Variants in SLC22A16 observed in about 807,000 individuals in gnomAD.
SLC22A16 encodes WUGSC:RG331P03.1.
Under a neutral mutation model 52.9 loss-of-function variants are expected in SLC22A16, and 53 were observed. The ratio of observed to expected loss-of-function variants is 1.00; its 90% CI spans 0.80 to 1.26. The LOEUF (loss-of-function observed/expected upper bound fraction) is 1.26. SLC22A16 is among the 50% of genes most tolerant of loss of function. The pLI is 0.00. For missense variants in SLC22A16, 726 were observed against 704.0 expected, an observed-to-expected ratio of 1.03 and a Z score of -0.35; for synonymous variants, 291 against 268.8, an observed-to-expected ratio of 1.08 and a Z score of -0.81.
At chr6:110,456,454 A>G in intron 2 of SLC22A16, 84 bp downstream of exon 2, 1 of 1,497,350 alleles carries the variant, frequency 6.7e-7, no homozygotes, top group Non-Finnish European at 9.0e-7. Flanking sequence ...GACAAGTTTT[A>G]AACATAATTC....
chr6:110,439,752 A>C (rs1774890606), intron 4 of SLC22A16, among the ~76,000 whole-genome samples: 1 of 152,210 alleles, frequency 6.6e-6, no homozygotes, highest in Non-Finnish European at 1.5e-5. Flanking sequence ...AGAGGTTTCT[A>C]ATATTTCTCT....
At chr6:110,425,387 G>C in intron 7 of SLC22A16, 1 of 1,339,592 alleles carries the variant, frequency 7.5e-7, no homozygotes, top group Non-Finnish European at 9.9e-7. Context: ...TAGGAGCTGT[G>C]GTCAGAAAGA....
At chr6:110,465,690 A>G (rs1327667395) in intron 1 of SLC22A16, among the ~76,000 whole-genome samples, 1 of 152,248 alleles carries the variant, frequency 6.6e-6, no homozygotes, top group Non-Finnish European at 1.5e-5. Flanking sequence ...AGAAGAATCA[A>G]TACCATTTAA....
intron 5 of SLC22A16, among the ~76,000 whole-genome samples, chr6:110,437,548 G>C (rs905482571): frequency 2.6e-5 from 4 of 152,176 alleles, no homozygotes; most frequent in African/African-American, 9.7e-5. Context: ...ATTAAGTAAA[G>C]TGCTACTATA....
intron 6 of SLC22A16, 135 bp from the exon 7 acceptor site, chr6:110,431,405 A>G: frequency 1.5e-6 from 1 of 676,826 alleles, no homozygotes; most frequent in Non-Finnish European, 2.5e-6. Context: ...ACAACGTTTC[A>G]GTCAACCTCG....
In SLC22A16 at chr6:110,424,959, A is replaced by T; in HGVS notation, c.1648T>A (p.Ser550Thr). ...AKLESENESK[S>T]SKLLLTTNNS... is the part of the protein sequence containing the mutation. ...TTAGTTGTGAGAAGTAATTTGCTTG[A>T]CTTGCTTTCATTCTCTGACTCCAGT... The change falls in exon 8 of 8, where the codon TCA becomes ACA. Residue 550 changes from serine to threonine, a missense_variant. By Grantham distance (58) the Ser-to-Thr change is moderately conservative. Transcript: ENST00000368919. The T allele has an allele frequency of 1.2e-6, 2 of 1,614,004 alleles. No individual in the cohort carries two copies. The highest frequency in any genetic ancestry group is 1.7e-6 in the Non-Finnish European group (2 of 1,180,000).
chr6:110,436,760 ATTTG>A (rs1163678440), intron 5 of SLC22A16, among the ~76,000 whole-genome samples: 4 of 152,206 alleles, frequency 2.6e-5, no homozygotes, highest in Non-Finnish European at 5.9e-5. Context: ...TGTTTTGTTC[ATTTG>A]TTTGTTTGTT....
intron 1 of SLC22A16, among the ~76,000 whole-genome samples, chr6:110,468,687 G>A (rs1776158480): frequency 6.7e-6 from 1 of 150,366 alleles, no homozygotes; most frequent in Non-Finnish European, 1.5e-5. Context: ...AGAAGAAGAA[G>A]AAAAAGAAAA....
At chr6:110,460,242 G>A (rs564460640) in intron 1 of SLC22A16, among the ~76,000 whole-genome samples, 157 of 152,102 alleles carry the variant, frequency 1.0e-3, no homozygotes, top group African/African-American at 3.7e-3. Context: ...CACACTTTTT[G>A]GTCTCAAGAG....
intron 7 of SLC22A16, among the ~76,000 whole-genome samples, chr6:110,427,624 C>T (rs776440891): frequency 1.1e-4 from 16 of 152,072 alleles, no homozygotes; most frequent in South Asian, 4.1e-4. Flanking sequence ...CTCAGCCTCC[C>T]GAGTAGCTGG....
intron 4 of SLC22A16, 46 bp from the exon 5 acceptor site, chr6:110,438,893 CA>C: frequency 6.2e-7 from 1 of 1,605,524 alleles, no homozygotes; most frequent in Non-Finnish European, 8.5e-7. Context: ...TACCCGACTG[CA>C]AAAGGGGACC....
intron 3 of SLC22A16, 124 bp from the exon 4 acceptor site, chr6:110,442,899 C>T: frequency 1.3e-6 from 1 of 794,740 alleles, no homozygotes; most frequent in Non-Finnish European, 2.0e-6. Flanking sequence ...TCTGAAACCC[C>T]TATCAGATGT....
intron 7 of SLC22A16, among the ~76,000 whole-genome samples, chr6:110,426,745 G>A (rs1008184156): frequency 6.6e-6 from 1 of 152,226 alleles, no homozygotes; most frequent in Non-Finnish European, 1.5e-5. Context: ...GAGGTCAGGA[G>A]TTCGAGACCA....
At chr6:110,428,078 G>C (rs1020327373) in intron 7 of SLC22A16, among the ~76,000 whole-genome samples, 10 of 152,138 alleles carry the variant, frequency 6.6e-5, no homozygotes, top group African/African-American at 2.4e-4. Flanking sequence ...TAGATTACTA[G>C]AAAATAATGG....
At chr6:110,454,760 AT>A (rs1468929912) in intron 2 of SLC22A16, among the ~76,000 whole-genome samples, 2 of 67,382 alleles carry the variant, frequency 3.0e-5, no homozygotes, top group African/African-American at 1.3e-4. Context: ...TATTATATAC[AT>A]TTATATATAT....
In SLC22A16 at chr6:110,476,557, G is replaced by C. The variant is rs1210625118; in HGVS notation, c.18C>G (p.Phe6Leu). 1.3e-6 allele frequency: 2 copies of C among 1,523,436 alleles called. No homozygotes were observed. The highest frequency in any genetic ancestry group is 2.6e-5 in the East Asian group (1 of 38,886). 94.4% of individuals were successfully genotyped at this position (1,523,436 alleles called of 1,614,324 possible). ...GCCCCACGTGGTCATAAATCCCCTC[G>C]AAGTGGCGGGACCCCATGGTGCGGC... MGSRH[F>L]EGIYDHVGHF... The change falls in exon 1 of 8, where the codon TTC becomes TTG. Residue 6 changes from phenylalanine to leucine, a missense_variant. Phe to Leu is a conservative substitution (Grantham distance 22, BLOSUM62 0). Coordinates refer to ENST00000368919, the MANE Select transcript of SLC22A16 (RefSeq NM_033125.4).
rs77212083 is a variant in SLC22A16, at chr6:110,467,515, C to T, written c.53+9007G>A. On this transcript the variant is annotated intron_variant, in intron 1 of 7. Coordinates refer to ENST00000368919, the MANE Select transcript of SLC22A16 (RefSeq NM_033125.4). ...CTGTGGTTCAGTCACTTTAGTATCT[C>T]CTGTAGCACCCAGCACAGTGTGTAG... Among the ~76,000 whole-genome samples the T allele has an allele frequency of 8.2e-3, 1,244 of 152,280 alleles. 26 individuals are homozygous for T. The highest frequency in any genetic ancestry group is 0.06 in the East Asian group (312 of 5,182).
intron 7 of SLC22A16, among the ~76,000 whole-genome samples, chr6:110,430,874 C>A (rs1195938680): frequency 6.6e-6 from 1 of 152,190 alleles, no homozygotes; most frequent in African/African-American, 2.4e-5. Flanking sequence ...AGGACAGAGA[C>A]CAGAGCTCTC....
At chr6:110,469,047 A>T (rs1424350291) in intron 1 of SLC22A16, among the ~76,000 whole-genome samples, 2 of 152,216 alleles carry the variant, frequency 1.3e-5, no homozygotes, top group Non-Finnish European at 2.9e-5. Context: ...CCAGGCAATA[A>T]GAATGGCTCT....
Sources: gnomAD v4.1 joint callset for allele counts (sites outside exome capture counted in the v4.1 genomes callset) on GRCh38, gnomAD v4.1.1 for gene constraint, MANE v1.5 for transcripts, NCBI Gene and HGNC (gene_info 2026-07-23, HGNC 2026-07-21) for gene names.